The following CSMD1 variants were observed in gnomAD, a reference collection of about 807,000 sequenced individuals.
CSMD1 encodes the protein CUB and Sushi multiple domains 1.
A neutral mutation model predicts 417.5 loss-of-function variants in CSMD1; 213 were observed. The ratio of observed to expected loss-of-function variants is 0.51; its 90% confidence interval spans 0.46 to 0.57. The LOEUF is 0.57. Ranked by LOEUF, CSMD1 falls within the 20% of genes least tolerant of loss-of-function variation. CSMD1 has a pLI of 0.00. For missense variants in CSMD1, 6,923 were observed against 4,529.7 expected, an observed-to-expected ratio of 1.53 and a Z score of -15.17; for synonymous variants, 2,862 against 1,736.8, an observed-to-expected ratio of 1.65 and a Z score of -16.11.
At chr8:4,912,270 G>A (rs117707158) in intron 1 of CSMD1, among the ~76,000 whole-genome samples, 449 of 152,226 alleles carry the variant, frequency 2.9e-3, no homozygotes, top group Middle Eastern at 0.014. Flanking sequence ...ACATGCGAAG[G>A]CAGTAGATTG....
At chr8:3,959,488 GA>G (rs1812179090) in intron 5 of CSMD1, among the ~76,000 whole-genome samples, 2 of 152,180 alleles carry the variant, frequency 1.3e-5, no homozygotes, top group South Asian at 4.1e-4. Context: ...GACTGAGCGA[GA>G]CTCCGTCAAG....
At chr8:3,800,636 G>A (rs181910099) in intron 5 of CSMD1, among the ~76,000 whole-genome samples, 9 of 152,198 alleles carry the variant, frequency 5.9e-5, no homozygotes, top group East Asian at 1.9e-4. Flanking sequence ...AGGTATTTGG[G>A]TTATGCAGAC....
chr8:3,864,269 A>G (rs921940616), intron 5 of CSMD1, among the ~76,000 whole-genome samples: 4 of 152,234 alleles, frequency 2.6e-5, no homozygotes, highest in Non-Finnish European at 5.9e-5. Context: ...TGTGGGAATC[A>G]TAACTCAATA....
intron 1 of CSMD1, among the ~76,000 whole-genome samples, chr8:4,670,683 G>C (rs1805239524): frequency 6.6e-6 from 1 of 152,070 alleles, no homozygotes; most frequent in Non-Finnish European, 1.5e-5. Flanking sequence ...TACTATGATA[G>C]GTTTGATAGG....
chr8:3,775,398 G>A (rs879397087), intron 5 of CSMD1, among the ~76,000 whole-genome samples: 1 of 152,142 alleles, frequency 6.6e-6, no homozygotes, highest in Non-Finnish European at 1.5e-5. Flanking sequence ...CCAGGTACCT[G>A]ACTCAAATTA....
chr8:3,362,806 G>A (rs1367811375), intron 20 of CSMD1, among the ~76,000 whole-genome samples: 1 of 152,086 alleles, frequency 6.6e-6, no homozygotes, highest in African/African-American at 2.4e-5. Context: ...TTCACTTCCT[G>A]CCAATCAAGT....
intron 3 of CSMD1, among the ~76,000 whole-genome samples, chr8:4,259,115 T>G (rs557882424): frequency 6.6e-6 from 1 of 152,244 alleles, no homozygotes; most frequent in African/African-American, 2.4e-5. Context: ...AGGTCGTACT[T>G]TAAATATCAG....
chr8:4,985,302 AC>A (rs1209674896), intron 1 of CSMD1, among the ~76,000 whole-genome samples: 19 of 151,810 alleles, frequency 1.3e-4, no homozygotes, highest in Admixed American at 1.2e-3. Flanking sequence ...CGGTACAACA[AC>A]CCCCCATGAC....
intron 2 of CSMD1, among the ~76,000 whole-genome samples, chr8:4,488,691 G>GA (rs924569478): frequency 6.6e-6 from 1 of 151,818 alleles, no homozygotes; most frequent in African/African-American, 2.4e-5. Flanking sequence ...CGGTGGGGGG[G>GA]GTGAAAAGTG....
At position 3,396,368 on chromosome 8, in the gene CSMD1, C is replaced by T; in HGVS notation, c.2419G>A (p.Val807Ile). The T allele has an allele frequency of 6.3e-7, 1 of 1,586,456 alleles. No individual in the cohort carries two copies. Among genetic ancestry groups the T allele is most frequent in the South Asian group, 1.2e-5 (1 of 86,142 alleles). The change falls in exon 17 of 70, where the codon GTC (valine) becomes ATC (isoleucine). Residue 807 changes from valine (V) to isoleucine (I), a missense_variant. Coordinates refer to ENST00000635120, the MANE Select transcript of CSMD1 (RefSeq NM_033225.6). ...KITFDRFQTE[V>I]NYDTLEVRDG... Reference sequence around the variant, plus strand: ...CTGACCTCCAAGGTGTCATAATTGACCTCTGTCTGAAATCTGCAAATATAT... The same window carrying T: ...CTGACCTCCAAGGTGTCATAATTGATCTCTGTCTGAAATCTGCAAATATAT...
At chr8:3,231,506 T>C (rs537534063) in intron 26 of CSMD1, among the ~76,000 whole-genome samples, 23 of 152,322 alleles carry the variant, frequency 1.5e-4, no homozygotes, top group African/African-American at 5.5e-4. Context: ...TGTGCGTGTG[T>C]GTGCATATAC....
intron 5 of CSMD1, among the ~76,000 whole-genome samples, chr8:3,839,679 C>T (rs905992281): frequency 6.1e-5 from 9 of 148,208 alleles, no homozygotes; most frequent in Middle Eastern, 7.0e-3. Flanking sequence ...GAATCTATCT[C>T]CTTCATTTGG....
At chr8:3,388,972 T>C (rs1811182130) in intron 17 of CSMD1, among the ~76,000 whole-genome samples, 1 of 151,842 alleles carries the variant, frequency 6.6e-6, no homozygotes, top group African/African-American at 2.4e-5. Context: ...TTATGACTTC[T>C]TCCAGGACAC....
chr8:4,417,670 T>G (rs1651158183), intron 3 of CSMD1, among the ~76,000 whole-genome samples: 1 of 151,906 alleles, frequency 6.6e-6, no homozygotes, highest in African/African-American at 2.4e-5. Context: ...CCGTGGGCAG[T>G]CTCTCCAAAA....
chr8:3,290,225 T>G (rs1286137804), intron 25 of CSMD1, among the ~76,000 whole-genome samples: 1 of 147,454 alleles, frequency 6.8e-6, no homozygotes, highest in African/African-American at 2.7e-5. Flanking sequence ...TTTTGGTTAC[T>G]GTAGCCTTGT....
chr8:3,541,148 G>C (rs1798420440), intron 10 of CSMD1, among the ~76,000 whole-genome samples: 1 of 152,176 alleles, frequency 6.6e-6, no homozygotes, highest in Admixed American at 6.5e-5. Context: ...ATCAATGACA[G>C]ACTGGATAAA....
At chr8:4,484,521 C>T (rs953800229) in intron 2 of CSMD1, among the ~76,000 whole-genome samples, 13 of 152,010 alleles carry the variant, frequency 8.6e-5, no homozygotes, top group Admixed American at 8.5e-4. Flanking sequence ...TTTGGTAAGT[C>T]CATCTCACAA....
intron 1 of CSMD1, among the ~76,000 whole-genome samples, chr8:4,946,913 A>G (rs1808408952): frequency 1.3e-5 from 2 of 152,208 alleles, no homozygotes; most frequent in Admixed American, 6.5e-5. Flanking sequence ...TTTTAGAAAG[A>G]CAGAGCATAT....
chr8:4,634,247 C>T (rs1802701206), intron 2 of CSMD1, among the ~76,000 whole-genome samples: 1 of 152,012 alleles, frequency 6.6e-6, no homozygotes, highest in African/African-American at 2.4e-5. Flanking sequence ...TTTTTTAACT[C>T]TAAATGTTTT....
Sources: allele counts gnomAD v4.1 joint callset (sites outside exome capture counted in the v4.1 genomes callset), GRCh38; gene constraint gnomAD v4.1.1; transcripts MANE v1.5; gene names NCBI Gene and HGNC (gene_info 2026-07-23, HGNC 2026-07-21).